The following DENND2B variants were observed in gnomAD, a reference collection of about 807,000 sequenced individuals.
The protein encoded by DENND2B is DENN domain-containing protein 2B.
Under a neutral mutation model 116.0 loss-of-function variants are expected in DENND2B, and 32 were observed. The ratio of observed to expected loss-of-function variants is 0.28; its 90% confidence interval spans 0.21 to 0.37. DENND2B has a LOEUF of 0.37. Ranked by LOEUF, DENND2B falls within the 10% of genes least tolerant of loss-of-function variation. The probability of loss-of-function intolerance (pLI) is 1.00; values close to 1 mark genes in which losing one functional copy is unlikely to be tolerated. For missense variants in DENND2B, 1,276 were observed against 1,477.7 expected, an observed-to-expected ratio of 0.86 and a Z score of 2.24; for synonymous variants, 588 against 583.9, an observed-to-expected ratio of 1.01 and a Z score of -0.10.
In DENND2B at chr11:8,730,315, C is replaced by T. The variant is rs776182989; in HGVS notation, c.975G>A (p.Glu325=). 10 of 1,602,054 alleles carry T rather than the reference C, an allele frequency of 6.2e-6. No individual in the cohort carries two copies. Among genetic ancestry groups the T allele is most frequent in the Admixed American group, 1.7e-5 (1 of 59,406 alleles). Residue 325 remains glutamate, a synonymous_variant, in exon 3 of 20, where the codon GAG becomes GAA. Coordinates refer to ENST00000313726, the MANE Select transcript of DENND2B (RefSeq NM_213618.2). The surrounding 1 kb of genome is among the most constrained non-coding windows in gnomAD (Gnocchi z 4.1). ...CGCTCACACTCGCGCCCCCTGCCGG[C>T]TCCTCCAAGGAGCCCAAGGTTCCAG... ...RKTGTLGSLE[E]PAGGASVSAG...
intron 2 of DENND2B, among the ~76,000 whole-genome samples, chr11:8,862,399 G>C (rs575295348): frequency 6.2e-4 from 83 of 133,034 alleles, no homozygotes; most frequent in African/African-American, 2.2e-3. Context: ...CCACAGTCTC[G>C]ACTCACTGCA....
intron 18 of DENND2B, 72 bp from the exon 19 acceptor site, chr11:8,695,621 G>T: frequency 7.6e-7 from 1 of 1,318,192 alleles, no homozygotes; most frequent in South Asian, 1.2e-5. Context: ...TACATGAAGG[G>T]AACCATGGAG....
intron 1 of DENND2B, among the ~76,000 whole-genome samples, chr11:8,882,876 T>G (rs923837826): frequency 2.0e-5 from 3 of 152,132 alleles, no homozygotes; most frequent in Non-Finnish European, 2.9e-5. Context: ...TGATCCCAGC[T>G]ACTTGGGAGG....
At chr11:8,823,357 G>A (rs1351371869) in intron 4 of DENND2B, among the ~76,000 whole-genome samples, 1 of 152,194 alleles carries the variant, frequency 6.6e-6, no homozygotes, top group East Asian at 1.9e-4. Flanking sequence ...CAACCAGGAA[G>A]AGGAGCTCTG....
chr11:8,881,074 T>A (rs2063899567), exon 2 of DENND2B: 1 of 152,188 alleles, frequency 6.6e-6, no homozygotes, highest in Non-Finnish European at 1.5e-5. Context: ...CCCTTCATTT[T>A]TGTGAGTATC....
chr11:8,880,587 C>A (rs2063893817), intron 2 of DENND2B, among the ~76,000 whole-genome samples: 1 of 152,174 alleles, frequency 6.6e-6, no homozygotes, highest in Admixed American at 6.5e-5. Context: ...AAACTATCTT[C>A]ATTTCTAAAA....
intron 1 of DENND2B, among the ~76,000 whole-genome samples, chr11:8,773,668 G>T (rs1222330274): frequency 6.6e-6 from 1 of 152,102 alleles, no homozygotes; most frequent in Non-Finnish European, 1.5e-5. Context: ...AAGAAATAAT[G>T]TAGTCTGATG....
intron 1 of DENND2B, among the ~76,000 whole-genome samples, chr11:8,888,552 G>A (rs2063988004): frequency 6.6e-6 from 1 of 152,074 alleles, no homozygotes; most frequent in East Asian, 1.9e-4. Context: ...GGCACAGGCA[G>A]CAAAAGAAAA....
At chr11:8,737,236 G>A (rs563527814) in intron 2 of DENND2B, among the ~76,000 whole-genome samples, 10 of 152,316 alleles carry the variant, frequency 6.6e-5, no homozygotes, top group African/African-American at 1.2e-4. Flanking sequence ...CCTCTAGAGC[G>A]TAAGTGTAGC....
chr11:8,824,665 G>A (rs1410393196), intron 4 of DENND2B, among the ~76,000 whole-genome samples: 1 of 151,744 alleles, frequency 6.6e-6, no homozygotes, highest in Non-Finnish European at 1.5e-5. Context: ...ACATACATGT[G>A]CTTGTATCTT....
rs1300499415 is a variant in DENND2B at position 8,730,178 on chromosome 11, G to A, written c.1112C>T (p.Ser371Phe). 1 of 1,614,070 alleles carries A rather than the reference G, an allele frequency of 6.2e-7. No homozygotes were observed. The highest frequency in any genetic ancestry group is 8.5e-7 in the Non-Finnish European group (1 of 1,179,944). The change falls in exon 3 of 20, where the codon TCC becomes TTC. Residue 371 changes from serine to phenylalanine, a missense_variant. Ser to Phe is a radical substitution (Grantham distance 155). Around this residue, in one of 2 missense-constraint regions of DENND2B, gnomAD observed 856 missense variants for 846.6 expected, o/e 1.01. Coordinates refer to ENST00000313726, the MANE Select transcript of DENND2B (RefSeq NM_213618.2). The surrounding 1 kb of genome is among the most constrained non-coding windows in gnomAD (Gnocchi z 4.1). Reference protein sequence around the residue: ...KPGTPGNSPSSQRLPSKSSLD... With the variant: ...KPGTPGNSPSFQRLPSKSSLD... ...GGAACTCTTCGATGGCAGCCGCTGG[G>A]AGCTAGGGCTATTTCCAGGGGTCCC...
intron 2 of DENND2B, among the ~76,000 whole-genome samples, chr11:8,747,324 G>C (rs1198758458): frequency 6.6e-6 from 1 of 152,188 alleles, no homozygotes; most frequent in African/African-American, 2.4e-5. Context: ...TGACCCAGGT[G>C]CTGGAGTTTC....
intron 11 of DENND2B, 21 bp downstream of exon 11, chr11:8,710,824 G>T: frequency 6.2e-7 from 1 of 1,612,184 alleles, no homozygotes; most frequent in Non-Finnish European, 8.5e-7. Context: ...GCTGGCCTGA[G>T]GACCGAATGG....
At chr11:8,771,527 T>TAGAGAGAGAGAGAGAGAGAGAGAGAG (rs1396500115) in intron 1 of DENND2B, 1 of 37,862 alleles carries the variant, frequency 2.6e-5, no homozygotes, top group Non-Finnish European at 4.5e-5. Context: ...TGTATATATA[T>TAGAGAGAGAGAGAGAGAGAGAGAGAG]ACAGAGAGAG....
At chr11:8,700,072 G>C (rs887129992) in intron 14 of DENND2B, 15 of 450,708 alleles carry the variant, frequency 3.3e-5, no homozygotes, top group Admixed American at 4.7e-5. Flanking sequence ...CCTGGGGGGG[G>C]GCAGGGTGGC....
At chr11:8,764,942 C>CAAAAAAAA (rs35421038) in intron 1 of DENND2B, among the ~76,000 whole-genome samples, 1 of 100,290 alleles carries the variant, frequency 1.0e-5, no homozygotes, top group Non-Finnish European at 1.9e-5. Context: ...GAGACTGTCT[C>CAAAAAAAA]AAAAAAAAAA....
chr11:8,788,489 T>C (rs2059110101), intron 1 of DENND2B, among the ~76,000 whole-genome samples: 1 of 152,210 alleles, frequency 6.6e-6, no homozygotes, highest in African/African-American at 2.4e-5. Context: ...CTTCCACCAC[T>C]GGCTAAGCTT....
At chr11:8,860,775 G>A (rs775847866) in intron 2 of DENND2B, among the ~76,000 whole-genome samples, 2 of 152,046 alleles carry the variant, frequency 1.3e-5, no homozygotes, top group East Asian at 1.9e-4. Context: ...TAGACATCAC[G>A]TTACCTGACT....
chr11:8,802,565 C>T (rs1221065581), intron 1 of DENND2B, among the ~76,000 whole-genome samples: 2 of 152,174 alleles, frequency 1.3e-5, no homozygotes, highest in African/African-American at 4.8e-5. Context: ...AATCTGACCC[C>T]AGAGCCCAGG....
Sources: allele counts gnomAD v4.1 joint callset (sites outside exome capture counted in the v4.1 genomes callset), GRCh38; gene constraint gnomAD v4.1.1; regional missense constraint gnomAD v4.1.1; non-coding constraint Gnocchi (gnomAD v3.1); transcripts MANE v1.5; gene names NCBI Gene and HGNC (gene_info 2026-07-23, HGNC 2026-07-21).